SIK3: variants seen among roughly 807,000 people sequenced by gnomAD.
SIK3 encodes the protein SIK family kinase 3.
SIK3 carries 28 observed loss-of-function variants against 144.2 expected under a neutral mutation model. That is an observed-to-expected ratio of 0.19 (90% confidence interval 0.14 to 0.27). The LOEUF (loss-of-function observed/expected upper bound fraction) is 0.27. SIK3 is among the 10% of genes least tolerant of loss of function. SIK3 has a pLI of 1.00. For synonymous variants in SIK3, 686 were observed against 676.3 expected, an observed-to-expected ratio of 1.01 and a Z score of -0.22; for missense variants, 1,319 against 1,776.0, an observed-to-expected ratio of 0.74 and a Z score of 4.62.
chr11:116,947,285 G>T (rs192868937), intron 3 of SIK3, among the ~76,000 whole-genome samples: 204 of 120,512 alleles, frequency 1.7e-3, no homozygotes, highest in Admixed American at 5.4e-3. Flanking sequence ...TAAAGTCAGA[G>T]AATATGCTAC....
At chr11:116,917,986 A>C (rs1591319931) in intron 4 of SIK3, among the ~76,000 whole-genome samples, 1 of 152,104 alleles carries the variant, frequency 6.6e-6, no homozygotes, top group Middle Eastern at 3.4e-3. Flanking sequence ...CGATAAAATT[A>C]TTTTTCTTTG....
chr11:116,901,457 G>A (rs772753457), intron 4 of SIK3, among the ~76,000 whole-genome samples: 27 of 152,214 alleles, frequency 1.8e-4, no homozygotes, highest in Non-Finnish European at 2.5e-4. Context: ...TGATCATAAG[G>A]GGTGTGGCAG....
chr11:116,849,481 C>T lies in SIK3; in HGVS notation c.3656-198G>A, dbSNP rs1441405772. On this transcript the variant is annotated intron_variant, in intron 21 of 24. Transcript: ENST00000445177. This position sits in a 1 kb window ranked among gnomAD's most constrained non-coding sequence, Gnocchi z 4.2. ...AAAAGACGAGCTGTAGGGGAGGGGA[C>T]CACACCCTTAGGGAAAAAATTCCAC... Among the ~76,000 whole-genome samples the T allele has an allele frequency of 1.3e-5, 2 of 152,126 alleles. No individual in the cohort carries two copies. The highest frequency in any genetic ancestry group is 2.9e-5 in the Non-Finnish European group (2 of 68,032).
At chr11:117,049,110 AT>A (rs1953106492) in intron 1 of SIK3, among the ~76,000 whole-genome samples, 1 of 151,978 alleles carries the variant, frequency 6.6e-6, no homozygotes, top group African/African-American at 2.4e-5. Flanking sequence ...ATCTCAAAAA[AT>A]TTTTTAAAAA....
chr11:116,923,586 C>T (rs545447452), intron 4 of SIK3, among the ~76,000 whole-genome samples: 4 of 152,258 alleles, frequency 2.6e-5, no homozygotes, highest in South Asian at 4.1e-4. Context: ...AACTGAGTAA[C>T]GATGGCATAT....
At chr11:117,074,359 T>C (rs1954410317) in intron 1 of SIK3, among the ~76,000 whole-genome samples, 1 of 152,138 alleles carries the variant, frequency 6.6e-6, no homozygotes. Context: ...CACAACAGTA[T>C]ATGTATTTTG....
intron 4 of SIK3, among the ~76,000 whole-genome samples, chr11:116,918,942 C>T (rs1946813781): frequency 6.6e-6 from 1 of 152,072 alleles, no homozygotes; most frequent in South Asian, 2.1e-4. Flanking sequence ...TGGTCATATG[C>T]CATTTCAGGG....
At chr11:116,877,709 T>C (rs1445605333) in intron 6 of SIK3, among the ~76,000 whole-genome samples, 1 of 152,324 alleles carries the variant, frequency 6.6e-6, no homozygotes, top group Non-Finnish European at 1.5e-5. Flanking sequence ...ACAGATTACA[T>C]TGCAGAAAGA....
At chr11:117,045,950 C>T (rs1341913753) in intron 1 of SIK3, among the ~76,000 whole-genome samples, 1 of 152,158 alleles carries the variant, frequency 6.6e-6, no homozygotes, top group Non-Finnish European at 1.5e-5. Flanking sequence ...ATGATTTAGC[C>T]AAGGTCATAC....
intron 4 of SIK3, among the ~76,000 whole-genome samples, chr11:116,910,304 C>T (rs1946271623): frequency 6.6e-6 from 1 of 151,526 alleles, no homozygotes; most frequent in Admixed American, 6.6e-5. Flanking sequence ...AATGAAAAAA[C>T]ATAGCCAGAA....
intron 20 of SIK3, 135 bp downstream of exon 20, chr11:116,859,130 T>G (rs1943159141): frequency 4.8e-6 from 4 of 830,306 alleles, no homozygotes; most frequent in Non-Finnish European, 7.3e-6. Flanking sequence ...AGCATCCTGA[T>G]TTTAGAAAGC....
intron 1 of SIK3, among the ~76,000 whole-genome samples, chr11:117,092,464 C>T (rs7946729): frequency 0.31 from 47,641 of 151,978 alleles, 9,699 homozygotes; most frequent in African/African-American, 0.59. Context: ...GCAGCAGCCC[C>T]CCCCAGGGAT....
At chr11:116,963,464 TG>T (rs1309428437) in intron 1 of SIK3, among the ~76,000 whole-genome samples, 1 of 152,228 alleles carries the variant, frequency 6.6e-6, no homozygotes, top group Non-Finnish European at 1.5e-5. Flanking sequence ...CACATCTCCT[TG>T]GTCATCAGAG....
In SIK3 at chr11:117,029,897, T is replaced by C. The variant is rs183065087; in HGVS notation, c.273+68246A>G. Among the ~76,000 whole-genome samples the C allele has an allele frequency of 1.3e-3, 199 of 151,528 alleles. 1 individual carries two copies. The highest frequency in any genetic ancestry group is 4.3e-3 in the African/African-American group (178 of 41,250). On this transcript the variant is annotated intron_variant, in intron 1 of 24. Coordinates refer to ENST00000445177, the MANE Select transcript of SIK3 (RefSeq NM_001366686.3). ...TCAGCAGAGATATGGGATTTAGGAG[T>C]CATTATGATGTAAACTGTAGTTGAA...
intron 6 of SIK3, among the ~76,000 whole-genome samples, chr11:116,886,763 A>G (rs2134664899): frequency 6.6e-6 from 1 of 152,238 alleles, no homozygotes; most frequent in South Asian, 2.1e-4. Context: ...AAAAAAATAT[A>G]TTGAATGAAT....
At chr11:116,874,909 GGAACATCAT>G (rs1208394326) in intron 11 of SIK3, among the ~76,000 whole-genome samples, 1 of 152,164 alleles carries the variant, frequency 6.6e-6, no homozygotes, top group Admixed American at 6.5e-5. Flanking sequence ...CAGGCAGCAG[GGAACATCAT>G]GAAAGACTAT....
chr11:117,038,942 C>T (rs912454915), intron 1 of SIK3, among the ~76,000 whole-genome samples: 14 of 151,730 alleles, frequency 9.2e-5, no homozygotes, highest in Non-Finnish European at 1.6e-4. Context: ...CCCAGCTACT[C>T]GGGAGGCTGA....
At chr11:116,923,283 T>C (rs1434068754) in intron 4 of SIK3, among the ~76,000 whole-genome samples, 2 of 152,234 alleles carry the variant, frequency 1.3e-5, no homozygotes, top group African/African-American at 2.4e-5. Flanking sequence ...TCATATATAG[T>C]AGTTTCTTCT....
intron 1 of SIK3, among the ~76,000 whole-genome samples, chr11:117,033,465 G>C (rs1355403359): frequency 6.6e-6 from 1 of 152,132 alleles, no homozygotes; most frequent in East Asian, 1.9e-4. Context: ...ACTTTGGGAG[G>C]CCAAGGCAGG....
Sources: allele counts gnomAD v4.1 joint callset (sites outside exome capture counted in the v4.1 genomes callset), GRCh38; gene constraint gnomAD v4.1.1; non-coding constraint Gnocchi (gnomAD v3.1); transcripts MANE v1.5; gene names NCBI Gene and HGNC (gene_info 2026-07-23, HGNC 2026-07-21).